LHFPL3: variants seen among roughly 807,000 people sequenced by gnomAD.
LHFPL3 encodes LHFPL tetraspan subfamily member 3.
LHFPL3 carries 5 observed loss-of-function variants against 19.3 expected under a neutral mutation model. The observed-to-expected ratio is 0.26, with a 90% confidence interval of 0.14 to 0.54. The LOEUF is 0.54. Ranked by LOEUF, LHFPL3 falls within the 20% of genes least tolerant of loss-of-function variation. The pLI, the probability that LHFPL3 is intolerant of heterozygous loss-of-function variation, is 0.94. For synonymous variants in LHFPL3, 133 were observed against 126.2 expected, an observed-to-expected ratio of 1.05 and a Z score of -0.36; for missense variants, 249 against 307.4, an observed-to-expected ratio of 0.81 and a Z score of 1.42.
intron 2 of LHFPL3, among the ~76,000 whole-genome samples, chr7:104,802,491 CAAAAA>C (rs920866759): frequency 1.5e-5 from 1 of 65,502 alleles, no homozygotes; most frequent in South Asian, 6.9e-4. Flanking sequence ...AACCCTATCT[CAAAAA>C]AAAAAAAAAA....
intron 1 of LHFPL3, among the ~76,000 whole-genome samples, chr7:104,549,645 A>G (rs1251971520): frequency 6.6e-6 from 1 of 152,214 alleles, no homozygotes; most frequent in Admixed American, 6.6e-5. Flanking sequence ...AACAAAAATT[A>G]TAACAACTTT....
At chr7:104,544,299 G>A (rs1238779707) in intron 1 of LHFPL3, among the ~76,000 whole-genome samples, 2 of 152,012 alleles carry the variant, frequency 1.3e-5, no homozygotes, top group East Asian at 3.9e-4. Context: ...ATATTCATAG[G>A]TTTTGGGGGA....
At chr7:104,902,859 C>G (rs1339404365) in intron 2 of LHFPL3, among the ~76,000 whole-genome samples, 1 of 152,078 alleles carries the variant, frequency 6.6e-6, no homozygotes, top group African/African-American at 2.4e-5. Flanking sequence ...CCACGGGTGA[C>G]CCAAGACCAG....
chr7:104,397,394 A>G (rs982454579), intron 1 of LHFPL3, among the ~76,000 whole-genome samples: 1 of 152,148 alleles, frequency 6.6e-6, no homozygotes, highest in African/African-American at 2.4e-5. Context: ...TATGAAATGA[A>G]ATTGTGTTGT....
intron 1 of LHFPL3, among the ~76,000 whole-genome samples, chr7:104,349,633 G>A (rs1790136744): frequency 1.3e-5 from 2 of 152,210 alleles, no homozygotes; most frequent in South Asian, 4.1e-4. Context: ...ATGACAGGTT[G>A]ATGGGTGCAT....
At position 104,588,221 on chromosome 7, in the gene LHFPL3, GT is replaced by G. The variant is rs1283964567; in HGVS notation, c.446-148450del. ...CTATGTCCTGAATGGTATTGCCTAG[GT>G]TTTCTTCTAAGGTTTTTATGGTTTC... is the stretch of plus-strand genomic sequence containing the variant. On this transcript the variant is annotated intron_variant, in intron 1 of 2. Coordinates refer to ENST00000424859, the MANE Select transcript of LHFPL3 (RefSeq NM_199000.3). Among the ~76,000 whole-genome samples the G allele has an allele frequency of 2.0e-5, 3 of 152,132 alleles. No homozygotes were observed. The East Asian group carries it at 5.8e-4, about 29-fold the overall frequency.
intron 1 of LHFPL3, among the ~76,000 whole-genome samples, chr7:104,339,008 G>A (rs1268442201): frequency 6.6e-6 from 1 of 152,238 alleles, no homozygotes; most frequent in Admixed American, 6.5e-5. Flanking sequence ...AGCACTTTGG[G>A]AGGCCGAGGC....
chr7:104,428,185 C>T (rs530785897), intron 1 of LHFPL3, among the ~76,000 whole-genome samples: 48 of 152,146 alleles, frequency 3.2e-4, no homozygotes, highest in Non-Finnish European at 4.9e-4. Flanking sequence ...AGATGTCCGT[C>T]CACAATTATG....
intron 1 of LHFPL3, among the ~76,000 whole-genome samples, chr7:104,691,556 G>T (rs565827988): frequency 1.2e-4 from 18 of 152,248 alleles, no homozygotes; most frequent in Non-Finnish European, 1.9e-4. Flanking sequence ...TGTGCATTTT[G>T]CTTGGAAGGA....
intron 1 of LHFPL3, among the ~76,000 whole-genome samples, chr7:104,453,916 C>G (rs1027774173): frequency 6.6e-6 from 1 of 152,206 alleles, no homozygotes; most frequent in Admixed American, 6.5e-5. Flanking sequence ...TCCCTGGAAG[C>G]AGAGCAGATG....
intron 1 of LHFPL3, among the ~76,000 whole-genome samples, chr7:104,710,999 G>C (rs1392262546): frequency 6.6e-6 from 1 of 152,102 alleles, no homozygotes; most frequent in African/African-American, 2.4e-5. Flanking sequence ...GAGAATAAGG[G>C]GCAAGAATTT....
intron 1 of LHFPL3, among the ~76,000 whole-genome samples, chr7:104,358,190 G>C (rs1790320661): frequency 6.6e-6 from 1 of 152,160 alleles, no homozygotes; most frequent in African/African-American, 2.4e-5. Context: ...TGCGTATGAG[G>C]TTTCCATCTA....
chr7:104,492,553 G>T (rs1019672965), intron 1 of LHFPL3, among the ~76,000 whole-genome samples: 2 of 152,176 alleles, frequency 1.3e-5, no homozygotes, highest in Non-Finnish European at 2.9e-5. Flanking sequence ...GCCGTGTTTT[G>T]CATTTGGAAC....
At position 104,737,056 on chromosome 7, in the gene LHFPL3, C is replaced by T. The variant is rs188866252; in HGVS notation, c.682+145C>T. ...ATACCGTGTAGCTTGCAGACTTTAC[C>T]CCAGACTCAACTCAAGAAGCTTACA... On this transcript the variant is annotated intron_variant, in intron 2 of 2. Coordinates refer to ENST00000424859, the MANE Select transcript of LHFPL3 (RefSeq NM_199000.3). 3 of 619,470 alleles carry T rather than the reference C, an allele frequency of 4.8e-6. No homozygotes were observed. The East Asian group carries it at 8.2e-5, about 17-fold the overall frequency. 38.4% of individuals were successfully genotyped at this position (619,470 alleles called of 1,614,324 possible).
intron 1 of LHFPL3, among the ~76,000 whole-genome samples, chr7:104,350,296 GTC>G (rs1162060436): frequency 6.6e-6 from 1 of 152,180 alleles, no homozygotes; most frequent in Non-Finnish European, 1.5e-5. Flanking sequence ...AGAACAGAAT[GTC>G]TCTATCATTG....
At chr7:104,518,853 T>TA (rs1210143606) in intron 1 of LHFPL3, among the ~76,000 whole-genome samples, 13 of 137,588 alleles carry the variant, frequency 9.4e-5, no homozygotes, top group South Asian at 4.3e-4. Flanking sequence ...ATAGAATAAA[T>TA]AAAAAAACTG....
At chr7:104,831,758 CAT>C (rs758975066) in intron 2 of LHFPL3, among the ~76,000 whole-genome samples, 7 of 147,868 alleles carry the variant, frequency 4.7e-5, no homozygotes, top group Non-Finnish European at 1.0e-4. Flanking sequence ...CCATATAACA[CAT>C]GTGTAATTGT....
Position 104,575,561 on chromosome 7 carries a change from A to G in LHFPL3, c.446-161114A>G, listed in dbSNP as rs1289959292. On this transcript the variant is annotated intron_variant, in intron 1 of 2. Coordinates refer to ENST00000424859, the MANE Select transcript of LHFPL3 (RefSeq NM_199000.3). Reference sequence around the variant, plus strand: ...AGCTGATAGTGTCCAAAGAGATCTAAAAAAAAAAAAAAAAAAAAAAAAAAA... The same window carrying G: ...AGCTGATAGTGTCCAAAGAGATCTAGAAAAAAAAAAAAAAAAAAAAAAAAA... Among the ~76,000 whole-genome samples, 5 of 114,712 alleles carry G rather than the reference A, an allele frequency of 4.4e-5. No homozygotes were observed. The East Asian group carries it at 1.0e-3, about 23-fold the overall frequency. The allele number at this position is 114,712 out of a possible 152,430, so 75.3% of individuals were successfully genotyped here. A position where few individuals can be genotyped will look rare whatever the true frequency, so the allele number is the denominator to read the frequency against.
At chr7:104,579,678 A>T (rs1790417443) in intron 1 of LHFPL3, among the ~76,000 whole-genome samples, 1 of 152,150 alleles carries the variant, frequency 6.6e-6, no homozygotes, top group South Asian at 2.1e-4. Context: ...TATCTAAATT[A>T]CTCCATTTAG....
Sources: gnomAD v4.1 joint callset for allele counts (sites outside exome capture counted in the v4.1 genomes callset) on GRCh38, gnomAD v4.1.1 for gene constraint, MANE v1.5 for transcripts, NCBI Gene and HGNC (gene_info 2026-07-23, HGNC 2026-07-21) for gene names.